KLHL1: variants seen among roughly 807,000 people sequenced by gnomAD.
KLHL1 encodes kelch-like protein 1.
Under a neutral mutation model 77.7 loss-of-function variants are expected in KLHL1, and 47 were observed. The ratio of observed to expected loss-of-function variants is 0.60; its 90% CI spans 0.48 to 0.77. KLHL1 has a LOEUF of 0.77. KLHL1 is among the 30% of genes least tolerant of loss of function. The probability of loss-of-function intolerance (pLI) is 0.00; values close to 1 mark genes in which losing one functional copy is unlikely to be tolerated. For synonymous variants in KLHL1, 360 were observed against 325.2 expected, an observed-to-expected ratio of 1.11 and a Z score of -1.15; for missense variants, 925 against 910.8, an observed-to-expected ratio of 1.02 and a Z score of -0.20.
chr13:69,995,019 A>G (rs1259608890), intron 1 of KLHL1, among the ~76,000 whole-genome samples: 1 of 152,134 alleles, frequency 6.6e-6, no homozygotes, highest in Non-Finnish European at 1.5e-5. Context: ...CAGTGTGGAC[A>G]CGAGTGTCAC....
At chr13:70,012,360 T>G (rs1885556212) in intron 1 of KLHL1, among the ~76,000 whole-genome samples, 1 of 152,128 alleles carries the variant, frequency 6.6e-6, no homozygotes, top group Non-Finnish European at 1.5e-5. Flanking sequence ...TTTACCTATA[T>G]TTTTCACTTT....
In KLHL1 at chr13:70,108,349, G is replaced by A. The variant is rs529971654; in HGVS notation, c.-650C>T. The A allele has an allele frequency of 7.4e-5, 19 of 257,446 alleles. No individual in the cohort carries two copies. In the South Asian group the frequency reaches 2.3e-3, roughly 31 times the overall value. 15.9% of individuals were successfully genotyped at this position (257,446 alleles called of 1,614,324 possible). On this transcript the variant is annotated 5_prime_UTR_variant, in exon 1 of 11. Coordinates refer to ENST00000377844, the MANE Select transcript of KLHL1 (RefSeq NM_020866.3). ...GCTTTCTGCAATGCCAGAAGAGGTG[G>A]TTTTATATAGTCAGTTTGTAAAAGA...
At chr13:70,082,702 A>G (rs1643412971) in intron 1 of KLHL1, among the ~76,000 whole-genome samples, 1 of 152,200 alleles carries the variant, frequency 6.6e-6, no homozygotes, top group Admixed American at 6.5e-5. Flanking sequence ...TAGCAAAGAC[A>G]CAGAATCAAC....
intron 4 of KLHL1, among the ~76,000 whole-genome samples, chr13:69,890,877 T>C (rs1566369396): frequency 1.3e-5 from 2 of 152,076 alleles, no homozygotes; most frequent in South Asian, 2.1e-4. Flanking sequence ...ATATTGCTTC[T>C]TTGCATACAT....
At chr13:69,964,321 C>A (rs773189789) in intron 2 of KLHL1, among the ~76,000 whole-genome samples, 1 of 152,138 alleles carries the variant, frequency 6.6e-6, no homozygotes, top group African/African-American at 2.4e-5. Context: ...GGGTTATGGG[C>A]ATGAGACACT....
At chr13:69,807,868 C>T (rs1361467163) in intron 6 of KLHL1, among the ~76,000 whole-genome samples, 1 of 152,084 alleles carries the variant, frequency 6.6e-6, no homozygotes, top group Non-Finnish European at 1.5e-5. Context: ...GAAACTGAAA[C>T]CTGTCTGTGT....
At chr13:69,737,784 C>T (rs1225604860) in intron 8 of KLHL1, among the ~76,000 whole-genome samples, 3 of 152,202 alleles carry the variant, frequency 2.0e-5, no homozygotes, top group African/African-American at 7.2e-5. Context: ...TAGTATCACG[C>T]ATCAGTGGTC....
intron 6 of KLHL1, among the ~76,000 whole-genome samples, chr13:69,802,124 T>C (rs1877411744): frequency 6.6e-6 from 1 of 152,096 alleles, no homozygotes; most frequent in Non-Finnish European, 1.5e-5. Flanking sequence ...GTGTTTGATT[T>C]CCTGTTCCTG....
chr13:70,001,614 T>TCTAC (rs1188211418), intron 1 of KLHL1, among the ~76,000 whole-genome samples: 5 of 148,422 alleles, frequency 3.4e-5, no homozygotes, highest in African/African-American at 7.4e-5. Flanking sequence ...TATCTATCTA[T>TCTAC]CTACCTATCA....
intron 7 of KLHL1, among the ~76,000 whole-genome samples, chr13:69,783,507 G>T (rs1876342287): frequency 1.3e-5 from 2 of 152,074 alleles, no homozygotes; most frequent in African/African-American, 4.8e-5. Flanking sequence ...GAAAGCCAAG[G>T]CTTGAGAACT....
Position 69,720,270 on chromosome 13 carries a change from C to T in KLHL1, c.1803-689G>A, listed in dbSNP as rs146267782. Among the ~76,000 whole-genome samples the T allele has an allele frequency of 2.5e-3, 384 of 151,172 alleles. 3 individuals carry two copies. Among genetic ancestry groups the T allele is most frequent in the African/African-American group, 8.8e-3 (358 of 40,768 alleles). On this transcript the variant is annotated intron_variant, in intron 8 of 10. Coordinates refer to ENST00000377844, the MANE Select transcript of KLHL1 (RefSeq NM_020866.3). ...AATAAGTTATGCATCATAAATGGTA[C>T]TAACATGATTTGAATACAGTTTAAT...
At chr13:69,923,028 G>A (rs1882693911) in intron 4 of KLHL1, among the ~76,000 whole-genome samples, 1 of 152,104 alleles carries the variant, frequency 6.6e-6, no homozygotes, top group Non-Finnish European at 1.5e-5. Flanking sequence ...AATTAGGTGG[G>A]AGGAGACAGA....
chr13:69,870,426 C>A (rs1316383721), intron 5 of KLHL1, among the ~76,000 whole-genome samples: 3 of 151,940 alleles, frequency 2.0e-5, no homozygotes, highest in Non-Finnish European at 4.4e-5. Flanking sequence ...CATTGGGTAG[C>A]AAATTTCAAC....
At chr13:69,838,916 TA>T in intron 6 of KLHL1, 59 bp downstream of exon 6, 1 of 1,122,384 alleles carries the variant, frequency 8.9e-7, no homozygotes, top group Non-Finnish European at 1.2e-6. Flanking sequence ...CATTACAATA[TA>T]AAAGCTGCAA....
rs1566353763 is a variant in KLHL1, at chr13:69,712,771, T to TG, written c.2016-4976_2016-4975insC. Among the ~76,000 whole-genome samples, 176 of 134,586 alleles carry TG rather than the reference T, an allele frequency of 1.3e-3. 2 individuals are homozygous for TG. Among genetic ancestry groups the TG allele is most frequent in the African/African-American group, 4.8e-3 (170 of 35,300 alleles). The allele number at this position is 134,586 out of a possible 152,430, so 88.3% of individuals were successfully genotyped here. On this transcript the variant is annotated intron_variant, in intron 9 of 10. Transcript: ENST00000377844. ...TTTGTTTGTTTTTTGTTTTTTTTTT[T>TG]TGGGGGGGGGGTTTTGTTTGTTTGC... is the stretch of plus-strand genomic sequence containing the variant.
intron 1 of KLHL1, among the ~76,000 whole-genome samples, chr13:70,041,764 T>C (rs899825867): frequency 6.6e-6 from 1 of 152,036 alleles, no homozygotes; most frequent in Admixed American, 6.5e-5. Flanking sequence ...GTTTCCCACA[T>C]GGTCTCCACT....
intron 7 of KLHL1, among the ~76,000 whole-genome samples, chr13:69,789,243 T>A (rs779355639): frequency 4.6e-5 from 7 of 151,664 alleles, no homozygotes; most frequent in Non-Finnish European, 8.8e-5. Flanking sequence ...AGAATTTTTT[T>A]AAAATTACTT....
intron 5 of KLHL1, among the ~76,000 whole-genome samples, chr13:69,861,286 C>T (rs7998496): frequency 0.32 from 48,424 of 151,902 alleles, 8,234 homozygotes; most frequent in African/African-American, 0.45. Context: ...CTTAGCCCTT[C>T]CCTCTTTAAA....
chr13:69,703,682 T>A (rs1184511714), intron 10 of KLHL1, among the ~76,000 whole-genome samples: 3 of 151,634 alleles, frequency 2.0e-5, no homozygotes, highest in Non-Finnish European at 3.0e-5. Flanking sequence ...CCACTTTTTA[T>A]CTTTTATACC....
Sources: allele counts gnomAD v4.1 joint callset (sites outside exome capture counted in the v4.1 genomes callset), GRCh38; gene constraint gnomAD v4.1.1; transcripts MANE v1.5; gene names NCBI Gene and HGNC (gene_info 2026-07-23, HGNC 2026-07-21).